Variants in NME7 observed in about 807,000 individuals in gnomAD.
The protein encoded by NME7 is nucleoside diphosphate kinase 7.
A neutral mutation model predicts 49.1 loss-of-function variants in NME7; 41 were observed. The observed-to-expected ratio is 0.83, with a 90% CI of 0.65 to 1.08. The LOEUF is 1.08. NME7 is among the 50% of genes least tolerant of loss of function. The probability of loss-of-function intolerance (pLI) is 0.00; values close to 1 mark genes in which losing one functional copy is unlikely to be tolerated. For synonymous variants in NME7, 139 were observed against 150.6 expected, an observed-to-expected ratio of 0.92 and a Z score of 0.56; for missense variants, 423 against 463.4, an observed-to-expected ratio of 0.91 and a Z score of 0.80.
At chr1:169,132,862 G>GTCT in intron 11 of NME7, 45 bp from the exon 12 acceptor site, 2 of 1,586,152 alleles carry the variant, frequency 1.3e-6, no homozygotes, top group South Asian at 1.1e-5. Flanking sequence ...ACAAATTTTG[G>GTCT]TCTTTTCCAC....
At chr1:169,215,592 G>A (rs577804895) in intron 10 of NME7, among the ~76,000 whole-genome samples, 4 of 152,222 alleles carry the variant, frequency 2.6e-5, no homozygotes, top group East Asian at 3.9e-4. Flanking sequence ...AAAAGGAGAG[G>A]TGACTCATTT....
intron 1 of NME7, among the ~76,000 whole-genome samples, chr1:169,366,906 A>G (rs1653885645): frequency 6.6e-6 from 1 of 152,198 alleles, no homozygotes; most frequent in Non-Finnish European, 1.5e-5. Context: ...ATTCATAGCT[A>G]TAACTATCTA....
chr1:169,228,761 A>T (rs1004741633), intron 10 of NME7, among the ~76,000 whole-genome samples: 3 of 152,174 alleles, frequency 2.0e-5, no homozygotes, highest in Non-Finnish European at 2.9e-5. Flanking sequence ...AAATGTTAAA[A>T]ATGGCAAAAA....
In NME7 at chr1:169,267,017, G is replaced by A. The variant is rs1308421341; in HGVS notation, c.754+20286C>T. On this transcript the variant is annotated intron_variant, in intron 7 of 11. Transcript: ENST00000367811. The stretch of plus-strand genomic sequence containing the variant: ...TGGGAGGTGGAGGTTGCCGTGAGCC[G>A]AGATCATGCCACTGCACTCCAGCCT... 1.1e-4 allele frequency among the ~76,000 whole-genome samples: 14 copies of A among 133,210 alleles called. 2 individuals carry two copies. Among genetic ancestry groups the A allele is most frequent in the African/African-American group, 3.6e-4 (14 of 39,416 alleles). 87.4% of individuals were successfully genotyped at this position (133,210 alleles called of 152,430 possible). A position where few individuals can be genotyped will look rare whatever the true frequency, so the allele number is the denominator to read the frequency against.
At chr1:169,141,356 T>C (rs1318125453) in intron 11 of NME7, among the ~76,000 whole-genome samples, 1 of 152,018 alleles carries the variant, frequency 6.6e-6, no homozygotes, top group African/African-American at 2.4e-5. Context: ...AAAGATGAAG[T>C]GGGGAATATG....
intron 7 of NME7, among the ~76,000 whole-genome samples, chr1:169,260,529 T>C (rs1279937891): frequency 1.5e-5 from 2 of 131,896 alleles, no homozygotes; most frequent in Admixed American, 1.5e-4. Context: ...ACATCATGTG[T>C]TCTGAATCCT....
intron 10 of NME7, among the ~76,000 whole-genome samples, chr1:169,209,012 T>C (rs1476448661): frequency 1.3e-5 from 2 of 152,068 alleles, no homozygotes; most frequent in East Asian, 3.8e-4. Context: ...GCAGAACTAA[T>C]AAGAAAGCAA....
At chr1:169,273,002 G>C (rs1247179697) in intron 7 of NME7, among the ~76,000 whole-genome samples, 1 of 133,780 alleles carries the variant, frequency 7.5e-6, no homozygotes, top group African/African-American at 2.5e-5. Flanking sequence ...ACTGGCGTGA[G>C]ATGGTATCTC....
At chr1:169,167,938 C>A (rs1207648194) in intron 11 of NME7, among the ~76,000 whole-genome samples, 1 of 152,170 alleles carries the variant, frequency 6.6e-6, no homozygotes, top group East Asian at 1.9e-4. Context: ...GGCTCCCATA[C>A]CTCACACCAG....
chr1:169,255,975 T>G (rs1456489095), intron 7 of NME7, among the ~76,000 whole-genome samples: 1 of 133,032 alleles, frequency 7.5e-6, no homozygotes, highest in African/African-American at 2.5e-5. Context: ...AACCCGACCT[T>G]TCTCTCTGGC....
At chr1:169,310,176 A>T (rs1651331708) in intron 3 of NME7, 96 bp from the exon 4 acceptor site, 2 of 733,054 alleles carry the variant, frequency 2.7e-6, no homozygotes, top group Admixed American at 6.7e-5. Flanking sequence ...ATCATCCTAG[A>T]TCATCAAAAT....
At chr1:169,172,278 TAAAAAAAAACA>T (rs1217552522) in intron 10 of NME7, among the ~76,000 whole-genome samples, 3 of 101,706 alleles carry the variant, frequency 2.9e-5, no homozygotes, top group East Asian at 2.4e-4. Context: ...GTAACAAAAC[TAAAAAAAAACA>T]AAAAAAAAAC....
intron 7 of NME7, among the ~76,000 whole-genome samples, chr1:169,254,179 A>T (rs1648783162): frequency 6.7e-6 from 1 of 150,136 alleles, no homozygotes; most frequent in African/African-American, 2.4e-5. Flanking sequence ...TTCAGCTGTG[A>T]ATCCATCTGG....
chr1:169,206,181 C>T (rs893209182), intron 10 of NME7, among the ~76,000 whole-genome samples: 5 of 152,080 alleles, frequency 3.3e-5, no homozygotes, highest in African/African-American at 4.8e-5. Context: ...TGATCTGTTT[C>T]CCCCCAACTA....
chr1:169,307,464 C>G (rs1348303660), intron 4 of NME7, among the ~76,000 whole-genome samples: 1 of 152,088 alleles, frequency 6.6e-6, no homozygotes, highest in East Asian at 1.9e-4. Context: ...TGTGGTACTC[C>G]AAAGAATGAA....
intron 10 of NME7, among the ~76,000 whole-genome samples, chr1:169,196,634 G>C (rs1660388064): frequency 6.6e-6 from 1 of 152,186 alleles, no homozygotes; most frequent in Non-Finnish European, 1.5e-5. Flanking sequence ...TTGAAATTTA[G>C]AGATTTAATA....
chr1:169,143,579 T>G (rs947082327), intron 11 of NME7, among the ~76,000 whole-genome samples: 3 of 152,212 alleles, frequency 2.0e-5, no homozygotes, highest in Non-Finnish European at 4.4e-5. Flanking sequence ...TCTGCCTTCC[T>G]CATTAGACTA....
At chr1:169,325,393 G>C (rs1476887935) in intron 1 of NME7, among the ~76,000 whole-genome samples, 1 of 152,130 alleles carries the variant, frequency 6.6e-6, no homozygotes, top group Non-Finnish European at 1.5e-5. Flanking sequence ...TCAGAGAACA[G>C]CAGCTGGGAC....
At chr1:169,144,196 G>C (rs1180426222) in intron 11 of NME7, among the ~76,000 whole-genome samples, 1 of 152,088 alleles carries the variant, frequency 6.6e-6, no homozygotes, top group Non-Finnish European at 1.5e-5. Flanking sequence ...GGGCAACATA[G>C]TGAGACTCCA....
Sources: allele counts gnomAD v4.1 joint callset (sites outside exome capture counted in the v4.1 genomes callset), GRCh38; gene constraint gnomAD v4.1.1; transcripts MANE v1.5; gene names NCBI Gene and HGNC (gene_info 2026-07-23, HGNC 2026-07-21).